SRGAP1: variants seen among roughly 807,000 people sequenced by gnomAD.
SRGAP1 encodes SLIT-ROBO Rho GTPase-activating protein 1.
Under a neutral mutation model 121.9 loss-of-function variants are expected in SRGAP1, and 43 were observed. The observed-to-expected ratio is 0.35, with a 90% confidence interval of 0.28 to 0.46. SRGAP1 has a LOEUF of 0.46. Among genes scored for constraint, SRGAP1 ranks in the 20% least tolerant of loss-of-function variants. SRGAP1 has a pLI of 1.00. For synonymous variants in SRGAP1, 447 were observed against 485.4 expected, an observed-to-expected ratio of 0.92 and a Z score of 1.04; for missense variants, 1,102 against 1,350.9, an observed-to-expected ratio of 0.82 and a Z score of 2.89.
Position 64,058,936 on chromosome 12 carries a change from C to G in SRGAP1, c.802-3981C>G, listed in dbSNP as rs573084764. Among the ~76,000 whole-genome samples the G allele has an allele frequency of 3.3e-5, 5 of 152,168 alleles. No individual in the cohort carries two copies. The South Asian group carries it at 1.0e-3, about 32-fold the overall frequency. On this transcript the variant is annotated intron_variant, in intron 6 of 21. Transcript: ENST00000355086. ...CTGAAAAACCTAGAGTGTAGAAATG[C>G]TGCCTATCAGAAGTAACAAAATTAA...
chr12:63,991,543 A>G (rs2033556829), intron 3 of SRGAP1, among the ~76,000 whole-genome samples: 1 of 152,268 alleles, frequency 6.6e-6, no homozygotes, highest in South Asian at 2.1e-4. Flanking sequence ...TGCGTCTTAA[A>G]TAGTAGAGTT....
At chr12:64,113,863 T>C (rs950399590) in intron 17 of SRGAP1, among the ~76,000 whole-genome samples, 2 of 152,160 alleles carry the variant, frequency 1.3e-5, no homozygotes, top group Admixed American at 6.6e-5. Context: ...CCTGCCCACC[T>C]CAGAAACTGC....
intron 4 of SRGAP1, among the ~76,000 whole-genome samples, chr12:64,022,019 C>A (rs2034560718): frequency 6.6e-6 from 1 of 152,182 alleles, no homozygotes; most frequent in East Asian, 1.9e-4. Flanking sequence ...ACAAAAGTAA[C>A]TGCACTGGCA....
chr12:63,919,651 C>T (rs185395021), intron 1 of SRGAP1, among the ~76,000 whole-genome samples: 110 of 152,154 alleles, frequency 7.2e-4, no homozygotes, highest in African/African-American at 2.6e-3. Flanking sequence ...TCTGCCCCAT[C>T]CCATATACCT....
chr12:63,845,770 G>A (rs1031745119), intron 1 of SRGAP1, among the ~76,000 whole-genome samples: 3 of 152,100 alleles, frequency 2.0e-5, no homozygotes, highest in African/African-American at 7.2e-5. Flanking sequence ...GAGGTCTCAG[G>A]AGTAGCTTTC....
intron 1 of SRGAP1, among the ~76,000 whole-genome samples, chr12:63,879,912 G>A (rs1158942038): frequency 6.6e-6 from 1 of 152,188 alleles, no homozygotes; most frequent in Non-Finnish European, 1.5e-5. Flanking sequence ...GATGGCCGTT[G>A]ATTGGAGTAT....
chr12:63,913,387 G>A (rs1299180427), intron 1 of SRGAP1, among the ~76,000 whole-genome samples: 3 of 143,354 alleles, frequency 2.1e-5, no homozygotes, highest in African/African-American at 7.7e-5. Flanking sequence ...TGAACTCTTG[G>A]CTCAAGCGAT....
In SRGAP1 at chr12:64,102,820, G is replaced by A. The variant is rs547051650; in HGVS notation, c.1813+5445G>A. On this transcript the variant is annotated intron_variant, in intron 15 of 21. Transcript: ENST00000355086. Reference sequence around the variant, plus strand: ...ATGTACTTTTCATAAAAATTATATCGTACCAAGTGACCACTAATGGATAAG... The same window carrying A: ...ATGTACTTTTCATAAAAATTATATCATACCAAGTGACCACTAATGGATAAG... Among the ~76,000 whole-genome samples, 25 of 152,094 alleles carry A rather than the reference G, an allele frequency of 1.6e-4. No individual in the cohort carries two copies. The South Asian group carries it at 4.0e-3, about 24-fold the overall frequency.
At chr12:63,962,218 T>G (rs2136380879) in intron 1 of SRGAP1, among the ~76,000 whole-genome samples, 1 of 152,338 alleles carries the variant, frequency 6.6e-6, no homozygotes, top group Non-Finnish European at 1.5e-5. Context: ...TATTCCTTTT[T>G]CAAACTACAT....
intron 1 of SRGAP1, among the ~76,000 whole-genome samples, chr12:63,969,917 C>T (rs1332238780): frequency 6.6e-6 from 1 of 152,084 alleles, no homozygotes; most frequent in African/African-American, 2.4e-5. Context: ...TTCCTGAAGA[C>T]CTTCATCATT....
chr12:63,937,775 A>C (rs1441090432), intron 1 of SRGAP1, among the ~76,000 whole-genome samples: 3 of 152,244 alleles, frequency 2.0e-5, no homozygotes, highest in Non-Finnish European at 4.4e-5. Flanking sequence ...CTAATAACTA[A>C]TAAAACGGGT....
chr12:63,980,558 A>G (rs903541447), intron 1 of SRGAP1, among the ~76,000 whole-genome samples: 25 of 151,924 alleles, frequency 1.6e-4, no homozygotes, highest in African/African-American at 6.0e-4. Context: ...GGGGCAGTAT[A>G]AGGAATCCAA....
intron 1 of SRGAP1, among the ~76,000 whole-genome samples, chr12:63,877,246 T>A (rs1592906866): frequency 6.6e-6 from 1 of 152,156 alleles, no homozygotes; most frequent in Middle Eastern, 3.4e-3. Flanking sequence ...GAGAAAATAA[T>A]GGATGGGAAT....
rs1208054309 is a variant in SRGAP1 at position 64,158,073 on chromosome 12, A to G, written c.*15401A>G. 6.6e-6 allele frequency: 1 copy of G among 152,358 alleles called. No homozygotes were observed. Among genetic ancestry groups the G allele is most frequent in the Non-Finnish European group, 1.5e-5 (1 of 68,134 alleles). 9.4% of individuals were successfully genotyped at this position (152,358 alleles called of 1,614,324 possible). On this transcript the variant is annotated 3_prime_UTR_variant, in exon 22 of 22. Coordinates refer to ENST00000355086, the MANE Select transcript of SRGAP1 (RefSeq NM_020762.4). ...ATGTCATCTTCCTATAATGCAAGAAAAAGAACCCAGGGCCGGGCACAGTGG... is the reference window on the plus strand; with the variant it reads ...ATGTCATCTTCCTATAATGCAAGAAGAAGAACCCAGGGCCGGGCACAGTGG...
intron 3 of SRGAP1, among the ~76,000 whole-genome samples, chr12:64,004,040 A>C (rs1326853082): frequency 2.0e-5 from 3 of 152,236 alleles, no homozygotes; most frequent in Non-Finnish European, 2.9e-5. Flanking sequence ...GCAGCACCTC[A>C]CAGGTTGTGA....
chr12:64,080,568 G>A (rs1243875281), intron 10 of SRGAP1, 198 bp downstream of exon 10: 1 of 656,640 alleles, frequency 1.5e-6, no homozygotes, highest in Non-Finnish European at 2.8e-6. Flanking sequence ...CTAACCTTGA[G>A]GAAGCGTAGT....
intron 1 of SRGAP1, among the ~76,000 whole-genome samples, chr12:63,884,791 G>A (rs987928882): frequency 2.1e-5 from 3 of 146,188 alleles, no homozygotes; most frequent in Non-Finnish European, 4.5e-5. Flanking sequence ...GCGCGATCTC[G>A]GCTCACTGCA....
In SRGAP1 at chr12:64,000,275, TAAA is replaced by T. The variant is rs1555163999; in HGVS notation, c.426+10213_426+10215del. Among the ~76,000 whole-genome samples, 295 of 133,376 alleles carry T rather than the reference TAAA, an allele frequency of 2.2e-3. 1 individual carries two copies. Among genetic ancestry groups the T allele is most frequent in the African/African-American group, 7.8e-3 (276 of 35,192 alleles). 87.5% of individuals were successfully genotyped at this position (133,376 alleles called of 152,430 possible). On this transcript the variant is annotated intron_variant, in intron 3 of 21. Coordinates refer to ENST00000355086, the MANE Select transcript of SRGAP1 (RefSeq NM_020762.4). ...GTGTGTGTGTGTGTGTGTGTGTGTG[TAAA>T]AAAAAAAAACCAGGATGTTAGGACA...
At chr12:63,849,652 A>T (rs1177867920) in intron 1 of SRGAP1, among the ~76,000 whole-genome samples, 1 of 152,216 alleles carries the variant, frequency 6.6e-6, no homozygotes, top group African/African-American at 2.4e-5. Flanking sequence ...AGCAATATGG[A>T]ACCTGTGTCT....
Sources: allele counts gnomAD v4.1 joint callset (sites outside exome capture counted in the v4.1 genomes callset), GRCh38; gene constraint gnomAD v4.1.1; transcripts MANE v1.5; gene names NCBI Gene and HGNC (gene_info 2026-07-23, HGNC 2026-07-21).